The following ZFAND3 variants were observed in gnomAD, a reference collection of about 807,000 sequenced individuals.
ZFAND3 encodes the protein zinc finger AN1-type containing 3.
ZFAND3 carries 10 observed loss-of-function variants against 29.6 expected under a neutral mutation model. The observed-to-expected ratio is 0.34, with a 90% confidence interval of 0.21 to 0.57. The LOEUF (loss-of-function observed/expected upper bound fraction) is 0.57, where lower values mean the gene tolerates loss of function less well. Ranked by LOEUF, ZFAND3 falls within the 20% of genes least tolerant of loss-of-function variation. The pLI, the probability that ZFAND3 is intolerant of heterozygous loss-of-function variation, is 0.86. For synonymous variants in ZFAND3, 128 were observed against 112.6 expected, an observed-to-expected ratio of 1.14 and a Z score of -0.87; for missense variants, 230 against 304.5, an observed-to-expected ratio of 0.76 and a Z score of 1.82.
intron 3 of ZFAND3, among the ~76,000 whole-genome samples, chr6:38,074,770 C>T (rs558076039): frequency 6.6e-6 from 1 of 152,278 alleles, no homozygotes; most frequent in African/African-American, 2.4e-5. Context: ...CAGTCCCTGG[C>T]TTCAAAGGAC....
At chr6:37,875,121 T>A (rs1764768191) in intron 1 of ZFAND3, among the ~76,000 whole-genome samples, 1 of 152,246 alleles carries the variant, frequency 6.6e-6, no homozygotes, top group Admixed American at 6.5e-5. Flanking sequence ...TATACTGATG[T>A]ACCTGAGTAT....
intron 5 of ZFAND3, among the ~76,000 whole-genome samples, chr6:38,147,977 C>CT (rs1289005688): frequency 3.9e-5 from 6 of 152,056 alleles, no homozygotes; most frequent in Non-Finnish European, 8.8e-5. Flanking sequence ...TCTCATTTGT[C>CT]TATTTTTGTT....
At chr6:37,974,507 CAA>C (rs1209464112) in intron 2 of ZFAND3, among the ~76,000 whole-genome samples, 1 of 149,624 alleles carries the variant, frequency 6.7e-6, no homozygotes, top group Non-Finnish European at 1.5e-5. Flanking sequence ...TAGATTCAGG[CAA>C]TCCTCCCACC....
At chr6:37,896,566 C>CT (rs1215921614) in intron 1 of ZFAND3, among the ~76,000 whole-genome samples, 4 of 131,630 alleles carry the variant, frequency 3.0e-5, no homozygotes, top group African/African-American at 6.0e-5. Context: ...TTCTTTCTTT[C>CT]TTTCTCTCTT....
chr6:37,973,755 A>C (rs1470594290), intron 2 of ZFAND3, among the ~76,000 whole-genome samples: 1 of 152,202 alleles, frequency 6.6e-6, no homozygotes, highest in Non-Finnish European at 1.5e-5. Context: ...TGGAGTCAGA[A>C]ATTGTTGTGA....
intron 2 of ZFAND3, among the ~76,000 whole-genome samples, chr6:38,023,953 A>G (rs538584653): frequency 6.6e-6 from 1 of 152,020 alleles, no homozygotes; most frequent in African/African-American, 2.4e-5. Flanking sequence ...CAGGAGGTCA[A>G]AGCTGTAGGG....
At chr6:38,061,504 G>C in intron 2 of ZFAND3, 89 bp from the exon 3 acceptor site, 1 of 1,473,182 alleles carries the variant, frequency 6.8e-7, no homozygotes, top group East Asian at 2.3e-5. Flanking sequence ...TGGTGTTGTT[G>C]CATTTAATTT....
chr6:38,103,355 TATATATATATATACACACA>T (rs1296989060), intron 4 of ZFAND3, among the ~76,000 whole-genome samples: 7 of 140,260 alleles, frequency 5.0e-5, no homozygotes, highest in African/African-American at 9.0e-5. Flanking sequence ...TATGTATATA[TATATATATATATACACACA>T]ATATATATAT....
chr6:37,858,849 T>G (rs1764429609), intron 1 of ZFAND3, among the ~76,000 whole-genome samples: 2 of 152,266 alleles, frequency 1.3e-5, no homozygotes, highest in South Asian at 4.1e-4. Flanking sequence ...CTTTCGTGTT[T>G]ATAGTGCTCT....
At chr6:37,924,770 A>G (rs1270957699) in intron 1 of ZFAND3, among the ~76,000 whole-genome samples, 1 of 151,920 alleles carries the variant, frequency 6.6e-6, no homozygotes, top group Non-Finnish European at 1.5e-5. Flanking sequence ...GCAGTGAGCT[A>G]TGATTGGGCA....
intron 2 of ZFAND3, among the ~76,000 whole-genome samples, chr6:38,060,707 T>C (rs541894413): frequency 5.9e-5 from 9 of 152,300 alleles, no homozygotes; most frequent in African/African-American, 2.2e-4. Flanking sequence ...CGCCTCAGTC[T>C]TCAAAAATGC....
chr6:38,054,198 TAGTG>T (rs1270875742), intron 2 of ZFAND3, among the ~76,000 whole-genome samples: 1 of 141,612 alleles, frequency 7.1e-6, no homozygotes, highest in Admixed American at 7.5e-5. Context: ...TTGGGCAACA[TAGTG>T]AGACTCCATC....
chr6:37,968,708 G>A (rs1004213582), intron 2 of ZFAND3, among the ~76,000 whole-genome samples: 1 of 152,000 alleles, frequency 6.6e-6, no homozygotes, highest in East Asian at 1.9e-4. Context: ...TCCCCCTTCC[G>A]CCTTCCCGCT....
At chr6:38,110,956 A>G (rs1414495009) in intron 4 of ZFAND3, among the ~76,000 whole-genome samples, 1 of 152,210 alleles carries the variant, frequency 6.6e-6, no homozygotes, top group African/African-American at 2.4e-5. Context: ...CAGCTTTGAC[A>G]GGCATGACAC....
intron 2 of ZFAND3, among the ~76,000 whole-genome samples, chr6:37,946,486 A>AT (rs975406639): frequency 2.0e-5 from 3 of 152,298 alleles, no homozygotes; most frequent in Admixed American, 6.5e-5. Flanking sequence ...CAAAATTACA[A>AT]TTTTTCCCCC....
At position 37,989,321 on chromosome 6, in the gene ZFAND3, A is replaced by C. The variant is rs139088654; in HGVS notation, c.112+59322A>C. 3.6e-3 allele frequency among the ~76,000 whole-genome samples: 550 copies of C among 152,254 alleles called. 5 individuals carry two copies. The highest frequency in any genetic ancestry group is 0.013 in the African/African-American group (521 of 41,544). The stretch of plus-strand genomic sequence containing the variant: ...CTTGGTTTGGGTGGCTAAAACAATA[A>C]ATTTATTCCTCATAATACTACTGAA... On this transcript the variant is annotated intron_variant, in intron 2 of 5. Transcript: ENST00000287218.
intron 5 of ZFAND3, among the ~76,000 whole-genome samples, chr6:38,134,334 G>T (rs1056308975): frequency 6.6e-6 from 1 of 152,118 alleles, no homozygotes; most frequent in African/African-American, 2.4e-5. Context: ...TGGTGCTCCC[G>T]ATTTATTACA....
intron 1 of ZFAND3, chr6:37,915,557 G>A (rs259679): frequency 6.6e-6 from 1 of 151,912 alleles, no homozygotes; most frequent in African/African-American, 2.4e-5. Context: ...CAAGAAAATG[G>A]GAGACAGATG....
At chr6:37,999,121 TA>T in intron 2 of ZFAND3, among the ~76,000 whole-genome samples, 1 of 152,168 alleles carries the variant, frequency 6.6e-6, no homozygotes, top group East Asian at 1.9e-4. Context: ...TAAAGTGCTT[TA>T]AAAAACCCCA....
Sources: gnomAD v4.1 joint callset for allele counts (sites outside exome capture counted in the v4.1 genomes callset) on GRCh38, gnomAD v4.1.1 for gene constraint, MANE v1.5 for transcripts, NCBI Gene and HGNC (gene_info 2026-07-23, HGNC 2026-07-21) for gene names.